Variants in GPC5 observed in about 807,000 individuals in gnomAD.
GPC5 encodes glypican 5.
A neutral mutation model predicts 53.9 loss-of-function variants in GPC5; 47 were observed. The observed-to-expected ratio is 0.87, with a 90% CI of 0.69 to 1.11. The LOEUF is 1.11. Among genes scored for constraint, GPC5 ranks in the 50% most tolerant of loss-of-function variants. The probability of loss-of-function intolerance (pLI) is 0.00; values close to 1 mark genes in which losing one functional copy is unlikely to be tolerated. For missense variants in GPC5, 748 were observed against 713.1 expected, an observed-to-expected ratio of 1.05 and a Z score of -0.56; for synonymous variants, 286 against 263.3, an observed-to-expected ratio of 1.09 and a Z score of -0.84.
At chr13:92,715,586 G>C (rs1250910804) in intron 7 of GPC5, among the ~76,000 whole-genome samples, 2 of 152,118 alleles carry the variant, frequency 1.3e-5, no homozygotes, top group African/African-American at 2.4e-5. Context: ...AATGCTATCT[G>C]GACTTCATGA....
At chr13:91,887,862 C>T (rs1015861401) in intron 5 of GPC5, among the ~76,000 whole-genome samples, 1 of 152,116 alleles carries the variant, frequency 6.6e-6, no homozygotes, top group Admixed American at 6.5e-5. Context: ...GTCTTCTGAG[C>T]TGTCCAAGTC....
At chr13:91,582,841 TG>T (rs2032417972) in intron 2 of GPC5, among the ~76,000 whole-genome samples, 2 of 152,136 alleles carry the variant, frequency 1.3e-5, no homozygotes, top group African/African-American at 4.8e-5. Context: ...GGTGATACCG[TG>T]TCTCTACTAA....
At chr13:92,566,058 T>C (rs1882853628) in intron 7 of GPC5, among the ~76,000 whole-genome samples, 1 of 152,048 alleles carries the variant, frequency 6.6e-6, no homozygotes, top group Admixed American at 6.6e-5. Flanking sequence ...GGTGAGGAAA[T>C]AACTATAACT....
chr13:91,946,177 C>G (rs1398032602), intron 6 of GPC5, among the ~76,000 whole-genome samples: 1 of 152,066 alleles, frequency 6.6e-6, no homozygotes, highest in Non-Finnish European at 1.5e-5. Context: ...TCGTGACAGT[C>G]TGTTATATAA....
At position 92,252,992 on chromosome 13, in the gene GPC5, A is replaced by T. The variant is rs1160560141; in HGVS notation, c.1561+108003A>T. On this transcript the variant is annotated intron_variant, in intron 7 of 7. Transcript: ENST00000377067. ...AAAGTAGAAGTGCAATGTGTCGAGG[A>T]GAATGGCAGAAAGTGGAAATGCTAT... is the stretch of plus-strand genomic sequence containing the variant. Among the ~76,000 whole-genome samples the T allele has an allele frequency of 2.0e-5, 3 of 152,152 alleles. No homozygotes were observed. In the South Asian group the frequency reaches 6.2e-4, roughly 31 times the overall value.
intron 2 of GPC5, among the ~76,000 whole-genome samples, chr13:91,681,806 T>C (rs553528282): frequency 5.3e-4 from 80 of 152,290 alleles, no homozygotes; most frequent in African/African-American, 1.9e-3. Context: ...TCTCTTTATT[T>C]TTGCCATATT....
intron 7 of GPC5, among the ~76,000 whole-genome samples, chr13:92,299,004 G>C (rs1158235505): frequency 1.3e-5 from 2 of 152,104 alleles, no homozygotes; most frequent in East Asian, 3.9e-4. Flanking sequence ...AATAAGCCGT[G>C]AATCTGAAAT....
intron 7 of GPC5, among the ~76,000 whole-genome samples, chr13:92,659,831 T>G (rs1886276452): frequency 6.6e-6 from 1 of 152,022 alleles, no homozygotes; most frequent in South Asian, 2.1e-4. Flanking sequence ...ATCTGGGATA[T>G]GAGAGTGAAA....
At chr13:92,439,382 C>T (rs926653688) in intron 7 of GPC5, among the ~76,000 whole-genome samples, 7 of 152,080 alleles carry the variant, frequency 4.6e-5, no homozygotes, top group Non-Finnish European at 1.0e-4. Flanking sequence ...AGAGCATTTT[C>T]AGTGGTCCAG....
intron 2 of GPC5, among the ~76,000 whole-genome samples, chr13:91,642,533 A>C (rs1358302155): frequency 6.6e-6 from 1 of 152,160 alleles, no homozygotes; most frequent in Non-Finnish European, 1.5e-5. Flanking sequence ...TGAGATCAAC[A>C]TTGTCAGCCA....
chr13:92,803,027 T>C (rs1002451959), intron 7 of GPC5, among the ~76,000 whole-genome samples: 3 of 151,930 alleles, frequency 2.0e-5, no homozygotes, highest in Admixed American at 6.6e-5. Flanking sequence ...TAGGCTGGAA[T>C]AGTCTAAATT....
In GPC5 at chr13:92,729,898, A is replaced by C. The variant is rs7981841; in HGVS notation, c.1562-136384A>C. ...GTTAAAATGGTTGGTCACCTCAAAA[A>C]AAACCAGTCTTGCAACTCAAAATAA... On this transcript the variant is annotated intron_variant, in intron 7 of 7. Transcript: ENST00000377067. Among the ~76,000 whole-genome samples the C allele has an allele frequency of 2.9e-3, 437 of 151,544 alleles. 3 individuals are homozygous for C. The highest frequency in any genetic ancestry group is 0.01 in the African/African-American group (423 of 41,476).
rs866407921 is a variant in GPC5 at position 92,385,447 on chromosome 13, T to C, written c.1561+240458T>C. On this transcript the variant is annotated intron_variant, in intron 7 of 7. Transcript: ENST00000377067. The stretch of plus-strand genomic sequence containing the variant: ...ATATATACATATATACATATATACA[T>C]ATATACATATATACACATATATACA... 6.5e-4 allele frequency among the ~76,000 whole-genome samples: 77 copies of C among 118,102 alleles called. 5 individuals carry two copies. The highest frequency in any genetic ancestry group is 4.8e-3 in the Middle Eastern group (1 of 210). The allele number at this position is 118,102 out of a possible 152,430, so 77.5% of individuals were successfully genotyped here.
intron 6 of GPC5, among the ~76,000 whole-genome samples, chr13:91,912,425 T>A (rs956228992): frequency 1.3e-5 from 2 of 151,910 alleles, no homozygotes; most frequent in Non-Finnish European, 1.5e-5. Context: ...GGAAATCTGA[T>A]GGAAAAAGTG....
rs954115097 is a variant in GPC5, at chr13:91,750,981, T to C, written c.1155-5314T>C. The stretch of plus-strand genomic sequence containing the variant: ...CTGGCCGGTAAGTCTTTTTGACCAG[T>C]TCACTATGCCTACTAGTGTTTCAAT... On this transcript the variant is annotated intron_variant, in intron 4 of 7. Transcript: ENST00000377067. 2.0e-5 allele frequency among the ~76,000 whole-genome samples: 3 copies of C among 152,098 alleles called. No homozygotes were observed. The East Asian group carries it at 5.8e-4, about 29-fold the overall frequency.
At chr13:91,413,406 A>G (rs1041169446) in intron 1 of GPC5, among the ~76,000 whole-genome samples, 2 of 152,232 alleles carry the variant, frequency 1.3e-5, no homozygotes, top group Admixed American at 1.3e-4. Flanking sequence ...ATCCCAAACA[A>G]TGTGGACAGA....
chr13:91,668,472 A>G (rs2035169222), intron 2 of GPC5, among the ~76,000 whole-genome samples: 1 of 152,222 alleles, frequency 6.6e-6, no homozygotes, highest in South Asian at 2.1e-4. Flanking sequence ...AAATGCATGT[A>G]TTACAGTTGC....
chr13:91,957,344 A>G (rs761312967), intron 6 of GPC5, among the ~76,000 whole-genome samples: 2 of 152,168 alleles, frequency 1.3e-5, no homozygotes, highest in Non-Finnish European at 2.9e-5. Flanking sequence ...AAGCAACCAA[A>G]TATTCACATT....
At chr13:92,718,069 T>G (rs1888388663) in intron 7 of GPC5, among the ~76,000 whole-genome samples, 1 of 152,138 alleles carries the variant, frequency 6.6e-6, no homozygotes. Flanking sequence ...GATAAGGATG[T>G]GGAGAAAAGG....
Sources: allele counts gnomAD v4.1 joint callset (sites outside exome capture counted in the v4.1 genomes callset), GRCh38; gene constraint gnomAD v4.1.1; transcripts MANE v1.5; gene names NCBI Gene and HGNC (gene_info 2026-07-23, HGNC 2026-07-21).